Variants in GALNT13 observed in about 807,000 individuals in gnomAD.
GALNT13 encodes polypeptide N-acetylgalactosaminyltransferase 13.
A neutral mutation model predicts 64.2 loss-of-function variants in GALNT13; 28 were observed. The ratio of observed to expected loss-of-function variants is 0.44; its 90% CI spans 0.32 to 0.60. The LOEUF is 0.60. Among genes scored for constraint, GALNT13 ranks in the 20% least tolerant of loss-of-function variants. The probability of loss-of-function intolerance (pLI) is 0.05; values close to 1 mark genes in which losing one functional copy is unlikely to be tolerated. For missense variants in GALNT13, 577 were observed against 669.8 expected (o/e 0.86, Z 1.53); for synonymous variants, 214 against 224.6 (o/e 0.95, Z 0.42).
At chr2:153,353,609 G>T in the GALNT13 span, among the ~76,000 whole-genome samples, 1 of 152,016 alleles carries the variant, frequency 6.6e-6, no homozygotes, top group Non-Finnish European at 1.5e-5. Flanking sequence ...CCTTTAACAA[G>T]TTGAAGAATT....
chr2:153,882,664 G>T (rs1305372690), intron 1 of GALNT13, among the ~76,000 whole-genome samples: 2 of 145,708 alleles, frequency 1.4e-5, no homozygotes, highest in Non-Finnish European at 3.0e-5. Flanking sequence ...AGGGTCTCTT[G>T]CCCAGGCTGG....
chr2:154,291,356 C>G (rs553711182), intron 8 of GALNT13, among the ~76,000 whole-genome samples: 38 of 152,286 alleles, frequency 2.5e-4, no homozygotes, highest in African/African-American at 8.9e-4. Context: ...ACACAGAGTG[C>G]TGATTGGTGT....
At chr2:153,442,555 G>A in the GALNT13 span, among the ~76,000 whole-genome samples, 1 of 152,046 alleles carries the variant, frequency 6.6e-6, no homozygotes, top group African/African-American at 2.4e-5. Flanking sequence ...GGTAGAATTC[G>A]GCTGTGAATC....
intron 4 of GALNT13, among the ~76,000 whole-genome samples, chr2:154,179,482 A>G (rs1685838858): frequency 6.6e-6 from 1 of 152,138 alleles, no homozygotes; most frequent in Admixed American, 6.6e-5. Context: ...CTCATTTTAA[A>G]ATTAAAAGTA....
chr2:154,179,908 A>C (rs1301092736), intron 4 of GALNT13, among the ~76,000 whole-genome samples: 1 of 152,018 alleles, frequency 6.6e-6, no homozygotes, highest in African/African-American at 2.4e-5. Flanking sequence ...GTGCATATCC[A>C]ATCAGATACT....
At chr2:154,019,450 T>C (rs1467992441) in intron 3 of GALNT13, among the ~76,000 whole-genome samples, 1 of 151,998 alleles carries the variant, frequency 6.6e-6, no homozygotes, top group East Asian at 1.9e-4. Context: ...CTGGCCAACA[T>C]GGTGAAACCC....
the GALNT13 span, among the ~76,000 whole-genome samples, chr2:153,369,722 T>G: frequency 6.6e-6 from 1 of 152,170 alleles, no homozygotes; most frequent in Admixed American, 6.6e-5. Flanking sequence ...TCCTTTTCCC[T>G]AGACTGCTTG....
chr2:153,669,854 G>A, the GALNT13 span, among the ~76,000 whole-genome samples: 1 of 152,024 alleles, frequency 6.6e-6, no homozygotes, highest in Admixed American at 6.6e-5. Context: ...GCAGCCAGCA[G>A]ACCAGGAGAT....
intron 2 of GALNT13, among the ~76,000 whole-genome samples, chr2:153,942,995 CTT>C (rs1439340006): frequency 2.6e-5 from 4 of 152,172 alleles, no homozygotes. Flanking sequence ...TCTGTCAAAA[CTT>C]CATCACTTAT....
the GALNT13 span, among the ~76,000 whole-genome samples, chr2:153,768,464 C>T: frequency 1.1e-3 from 162 of 152,114 alleles, no homozygotes; most frequent in South Asian, 1.9e-3. Flanking sequence ...TTTTTGAATC[C>T]GGGTGCCCCA....
the GALNT13 span, among the ~76,000 whole-genome samples, chr2:153,086,241 G>A: frequency 6.6e-6 from 1 of 152,132 alleles, no homozygotes; most frequent in Non-Finnish European, 1.5e-5. Context: ...TTCTACTGTG[G>A]ACTTTTGAGT....
chr2:153,469,386 T>A, the GALNT13 span, among the ~76,000 whole-genome samples: 2 of 151,964 alleles, frequency 1.3e-5, no homozygotes, highest in Non-Finnish European at 2.9e-5. Flanking sequence ...AGCAACCCCA[T>A]CCCCTCACCT....
Position 154,242,809 on chromosome 2 carries a change from C to G in GALNT13, c.590C>G (p.Ala197Gly), listed in dbSNP as rs1014652407. The G allele has an allele frequency of 9.9e-6, 16 of 1,614,150 alleles. No individual in the cohort carries two copies. Among genetic ancestry groups the G allele is most frequent in the Middle Eastern group, 1.6e-4 (1 of 6,062 alleles). ...GLIRARLRGA[A>G]ASKGQVITFL... ...ATACGTGCCCGTCTTCGAGGAGCAG[C>G]TGCTTCAAAAGGGCAGGTCATAACT... Residue 197 changes from alanine (A) to glycine (G), a missense_variant, in exon 6 of 13, where the codon GCT (alanine) becomes GGT (glycine). Transcript: ENST00000392825.
At chr2:153,096,333 T>A in the GALNT13 span, among the ~76,000 whole-genome samples, 11 of 152,122 alleles carry the variant, frequency 7.2e-5, no homozygotes, top group Non-Finnish European at 1.3e-4. Context: ...GAACAGAATG[T>A]GTATTCTACA....
chr2:153,114,665 C>A, the GALNT13 span, among the ~76,000 whole-genome samples: 31 of 152,136 alleles, frequency 2.0e-4, no homozygotes, highest in Non-Finnish European at 2.9e-4. Context: ...TAATGGGAAC[C>A]CAAAACCTAC....
chr2:153,627,716 C>A, the GALNT13 span, among the ~76,000 whole-genome samples: 1 of 152,084 alleles, frequency 6.6e-6, no homozygotes, highest in Non-Finnish European at 1.5e-5. Context: ...CAGAAGGAGA[C>A]TCTTCTCAAC....
chr2:153,907,515 G>A lies in GALNT13; in HGVS notation c.-105+6508G>A, dbSNP rs116545134. On this transcript the variant is annotated intron_variant, in intron 2 of 12. Coordinates refer to ENST00000392825, the MANE Select transcript of GALNT13 (RefSeq NM_052917.4). ...TTTTGTCACTGGAATACTAAGCCTC[G>A]TACCTAATGGTTATTTTTTTCTGTT... 7.8e-3 allele frequency among the ~76,000 whole-genome samples: 1,182 copies of A among 151,812 alleles called. 11 individuals carry two copies. Among genetic ancestry groups the A allele is most frequent in the Non-Finnish European group, 0.013 (856 of 67,840 alleles).
chr2:154,444,292 A>C (rs1419229807), intron 12 of GALNT13, among the ~76,000 whole-genome samples: 2 of 152,180 alleles, frequency 1.3e-5, no homozygotes, highest in African/African-American at 4.8e-5. Context: ...TGAAAGGGAA[A>C]TAGTATACCA....
At chr2:153,927,655 G>A (rs184513425) in intron 2 of GALNT13, among the ~76,000 whole-genome samples, 17 of 152,004 alleles carry the variant, frequency 1.1e-4, no homozygotes, top group Non-Finnish European at 2.5e-4. Flanking sequence ...TAATTGGAGA[G>A]TATTCAATAT....
Sources: gnomAD v4.1 joint callset for allele counts (sites outside exome capture counted in the v4.1 genomes callset) on GRCh38, gnomAD v4.1.1 for gene constraint, MANE v1.5 for transcripts, NCBI Gene and HGNC (gene_info 2026-07-23, HGNC 2026-07-21) for gene names.